COL4A1: variants seen among roughly 807,000 people sequenced by gnomAD.
The protein encoded by COL4A1 is collagen type IV alpha 1 chain.
A neutral mutation model predicts 216.6 loss-of-function variants in COL4A1; 40 were observed. That is an observed-to-expected ratio of 0.18 (90% CI 0.14 to 0.24). COL4A1 has a LOEUF of 0.24. COL4A1 is among the 10% of genes least tolerant of loss of function. The pLI is 1.00. For synonymous variants in COL4A1, 839 were observed against 810.7 expected, an observed-to-expected ratio of 1.03 and a Z score of -0.59; for missense variants, 1,628 against 2,196.8, an observed-to-expected ratio of 0.74 and a Z score of 5.18.
At chr13:110,189,650 G>A (rs1878547803) in intron 24 of COL4A1, among the ~76,000 whole-genome samples, 1 of 152,214 alleles carries the variant, frequency 6.6e-6, no homozygotes, top group Non-Finnish European at 1.5e-5. Context: ...TGGAAAATTT[G>A]TTATTTACTT....
At chr13:110,271,719 G>C (rs1047034697) in intron 1 of COL4A1, among the ~76,000 whole-genome samples, 12 of 152,180 alleles carry the variant, frequency 7.9e-5, no homozygotes, top group Admixed American at 6.5e-4. Context: ...ATCAGAGAAA[G>C]ACACCGATGG....
chr13:110,166,930 A>G (rs1430564498), intron 44 of COL4A1, among the ~76,000 whole-genome samples: 2 of 152,256 alleles, frequency 1.3e-5, no homozygotes, highest in Admixed American at 1.3e-4. Context: ...TGAGATATTA[A>G]TGATCCACTG....
chr13:110,169,590 A>G (rs1375706405), intron 43 of COL4A1, 39 bp downstream of exon 43: 1 of 1,612,498 alleles, frequency 6.2e-7, no homozygotes, highest in Non-Finnish European at 8.5e-7. Flanking sequence ...GCCAGAAAAG[A>G]CTCCTTTAAA....
chr13:110,296,493 C>T (rs924121401), intron 1 of COL4A1, among the ~76,000 whole-genome samples: 11 of 152,180 alleles, frequency 7.2e-5, no homozygotes, highest in African/African-American at 2.2e-4. Context: ...TAAAAGCTAA[C>T]ATTTTATGAA....
chr13:110,261,934 A>C (rs1882845109), intron 1 of COL4A1, among the ~76,000 whole-genome samples: 1 of 152,174 alleles, frequency 6.6e-6, no homozygotes, highest in Non-Finnish European at 1.5e-5. Flanking sequence ...GTGGCTGCAC[A>C]GGGCAGGTGG....
chr13:110,176,898 G>A lies in COL4A1; in HGVS notation c.2856C>T (p.Asp952=), dbSNP rs746618365. The A allele has an allele frequency of 2.5e-6, 4 of 1,614,186 alleles. No homozygotes were observed. In the South Asian group the frequency reaches 4.4e-5, roughly 18 times the overall value. ...TCCTGGACTTGCCTTTCTCTCCTTG[G>A]TCTCCTTTCTGGCCCTTCATGCTGC... is the stretch of plus-strand genomic sequence containing the variant. ...DMGSMKGQKG[D]QGEKGQIGPI... The change falls in exon 34 of 52, where the codon GAC becomes GAT. Residue 952 remains aspartate, a synonymous_variant. Transcript: ENST00000375820.
intron 2 of COL4A1, among the ~76,000 whole-genome samples, chr13:110,226,653 C>G (rs1880748905): frequency 6.6e-6 from 1 of 152,154 alleles, no homozygotes; most frequent in Admixed American, 6.5e-5. Context: ...TTTACAAAAC[C>G]CACTATTAGC....
chr13:110,298,174 A>C (rs773615661), intron 1 of COL4A1, among the ~76,000 whole-genome samples: 5 of 152,232 alleles, frequency 3.3e-5, no homozygotes, highest in Non-Finnish European at 7.3e-5. Context: ...TAAATTCCTG[A>C]AGAAATACAA....
chr13:110,286,969 C>T (rs891727850), intron 1 of COL4A1, among the ~76,000 whole-genome samples: 12 of 152,202 alleles, frequency 7.9e-5, no homozygotes, highest in East Asian at 1.9e-4. Context: ...AGTTTGGAAA[C>T]GACACAAAAC....
At chr13:110,267,041 A>G (rs1443385209) in intron 1 of COL4A1, among the ~76,000 whole-genome samples, 1 of 152,242 alleles carries the variant, frequency 6.6e-6, no homozygotes, top group Non-Finnish European at 1.5e-5. Flanking sequence ...CCAGCAGCCA[A>G]GGGCAAATGT....
chr13:110,176,372 AC>A, intron 36 of COL4A1, 51 bp downstream of exon 36: 2 of 1,197,248 alleles, frequency 1.7e-6, no homozygotes, highest in South Asian at 1.2e-5. Context: ...GACATGCCCT[AC>A]CAGTATCACA....
intron 1 of COL4A1, among the ~76,000 whole-genome samples, chr13:110,290,771 T>C (rs151025230): frequency 0.024 from 3,616 of 152,362 alleles, 88 homozygotes; most frequent in South Asian, 0.07. Context: ...AAGAAATCTA[T>C]AACTGGTTGT....
chr13:110,161,249 G>C lies in COL4A1; in HGVS notation c.4583C>G (p.Pro1528Arg). The change falls in exon 49 of 52, where the codon CCC becomes CGC. Residue 1528 changes from proline (P) to arginine (R), a missense_variant. Transcript: ENST00000375820. ...DYSYWLSTPE[P>R]MPMSMAPITG... Reference sequence around the variant, plus strand: ...GATGGGTGCCATTGACATGGGCATGGGCTCAGGGGTGGACAGCCAGTACGA... The same window carrying C: ...GATGGGTGCCATTGACATGGGCATGCGCTCAGGGGTGGACAGCCAGTACGA... The C allele has an allele frequency of 6.2e-7, 1 of 1,614,190 alleles. No individual in the cohort carries two copies. Among genetic ancestry groups the C allele is most frequent in the Non-Finnish European group, 8.5e-7 (1 of 1,180,040 alleles).
intron 49 of COL4A1, among the ~76,000 whole-genome samples, chr13:110,156,129 G>T (rs1327795945): frequency 6.6e-6 from 1 of 152,218 alleles, no homozygotes; most frequent in African/African-American, 2.4e-5. Flanking sequence ...CTGTCTTGTA[G>T]AAGGGGAAAA....
chr13:110,167,074 G>T, intron 44 of COL4A1, 84 bp downstream of exon 44: 1 of 1,081,316 alleles, frequency 9.2e-7, no homozygotes, highest in Non-Finnish European at 1.4e-6. Flanking sequence ...GGTGCTATCA[G>T]TGCTAAGGTG....
At chr13:110,250,401 T>C (rs1882020413) in intron 1 of COL4A1, among the ~76,000 whole-genome samples, 1 of 152,210 alleles carries the variant, frequency 6.6e-6, no homozygotes, top group South Asian at 2.1e-4. Context: ...GGGTGTTTTC[T>C]TGGCTTCTCT....
intron 1 of COL4A1, among the ~76,000 whole-genome samples, chr13:110,256,952 T>C (rs1029036641): frequency 2.6e-5 from 4 of 152,172 alleles, no homozygotes; most frequent in African/African-American, 7.2e-5. Flanking sequence ...ACACCAGACA[T>C]GTCTTTAAAA....
At chr13:110,283,408 G>C (rs747812246) in intron 1 of COL4A1, among the ~76,000 whole-genome samples, 1 of 152,314 alleles carries the variant, frequency 6.6e-6, no homozygotes, top group South Asian at 2.1e-4. Context: ...AGATGAGAAT[G>C]TGAGCCGTGC....
At chr13:110,227,388 A>C (rs1294695737) in intron 2 of COL4A1, among the ~76,000 whole-genome samples, 1 of 35,882 alleles carries the variant, frequency 2.8e-5, no homozygotes, top group Non-Finnish European at 6.3e-5. Flanking sequence ...GGTACGGTAG[A>C]CACACACACA....
Sources: gnomAD v4.1 joint callset for allele counts (sites outside exome capture counted in the v4.1 genomes callset) on GRCh38, gnomAD v4.1.1 for gene constraint, MANE v1.5 for transcripts, NCBI Gene and HGNC (gene_info 2026-07-23, HGNC 2026-07-21) for gene names.